The following CDH23 variants were observed in gnomAD, a reference collection of about 807,000 sequenced individuals.
The protein encoded by CDH23 is cadherin related 23.
Under a neutral mutation model 317.1 loss-of-function variants are expected in CDH23, and 189 were observed. The ratio of observed to expected loss-of-function variants is 0.60; its 90% CI spans 0.53 to 0.67. CDH23 has a LOEUF of 0.67. Ranked by LOEUF, CDH23 falls within the 30% of genes least tolerant of loss-of-function variation. The pLI, the probability that CDH23 is intolerant of heterozygous loss-of-function variation, is 0.00. For synonymous variants in CDH23, 1,839 were observed against 1,876.8 expected, an observed-to-expected ratio of 0.98 and a Z score of 0.52; for missense variants, 4,401 against 4,592.4, an observed-to-expected ratio of 0.96 and a Z score of 1.20.
intron 2 of CDH23, among the ~76,000 whole-genome samples, chr10:71,445,691 A>AC (rs1850123013): frequency 6.6e-6 from 1 of 152,084 alleles, no homozygotes; most frequent in African/African-American, 2.4e-5. Context: ...ATACAAAAAA[A>AC]ATAAAGTAAA....
chr10:71,434,431 G>A (rs936597660), intron 1 of CDH23, among the ~76,000 whole-genome samples: 4 of 152,170 alleles, frequency 2.6e-5, no homozygotes, highest in South Asian at 2.1e-4. Context: ...GCAGATGTGC[G>A]CAGTGTGGCC....
At chr10:71,788,055 G>GT (rs1456600204) in intron 44 of CDH23, among the ~76,000 whole-genome samples, 2 of 152,262 alleles carry the variant, frequency 1.3e-5, no homozygotes, top group South Asian at 2.1e-4. Context: ...AGTGTCTGTT[G>GT]TTTTTTTCTT....
intron 6 of CDH23, among the ~76,000 whole-genome samples, chr10:71,549,782 G>C (rs1424332427): frequency 1.3e-5 from 2 of 152,226 alleles, no homozygotes; most frequent in African/African-American, 4.8e-5. Context: ...CTGCCCCAGA[G>C]AAGCGAAAAC....
intron 9 of CDH23, among the ~76,000 whole-genome samples, chr10:71,602,846 G>C (rs1436963989): frequency 6.6e-6 from 1 of 152,112 alleles, no homozygotes; most frequent in African/African-American, 2.4e-5. Flanking sequence ...AGAGGGGAAG[G>C]TATTCTCACC....
intron 28 of CDH23, chr10:71,715,588 G>T: frequency 4.7e-6 from 1 of 214,942 alleles, no homozygotes; most frequent in Non-Finnish European, 9.2e-6. Context: ...TGGAGGGCAA[G>T]GCTTCTGTGG....
chr10:71,786,651 C>T (rs1841116544), intron 44 of CDH23, among the ~76,000 whole-genome samples: 1 of 152,060 alleles, frequency 6.6e-6, no homozygotes, highest in Non-Finnish European at 1.5e-5. Context: ...GCACACGCCA[C>T]CTTGCCCGGC....
chr10:71,531,221 C>G (rs1167666113), intron 6 of CDH23, among the ~76,000 whole-genome samples: 1 of 152,162 alleles, frequency 6.6e-6, no homozygotes, highest in African/African-American at 2.4e-5. Context: ...AACTGGCTTA[C>G]CAGGGTTTAT....
rs980898713 is a variant in CDH23 at position 71,489,594 on chromosome 10, G to T, written c.146-20488G>T. Among the ~76,000 whole-genome samples the T allele has an allele frequency of 3.6e-5, 5 of 139,802 alleles. 1 individual carries two copies. Among genetic ancestry groups the T allele is most frequent in the African/African-American group, 1.3e-4 (5 of 37,214 alleles). 91.7% of individuals were successfully genotyped at this position (139,802 alleles called of 152,430 possible). A position where few individuals can be genotyped will look rare whatever the true frequency, so the allele number is the denominator to read the frequency against. ...TAGGTTTTCATTCACAGTGCCTCGG[G>T]GTGTGTGTGTGTGTGTGTGTGTGTG... On this transcript the variant is annotated intron_variant, in intron 3 of 69. Transcript: ENST00000224721.
chr10:71,674,492 C>T (rs1864274861), intron 14 of CDH23, among the ~76,000 whole-genome samples: 1 of 152,206 alleles, frequency 6.6e-6, no homozygotes, highest in South Asian at 2.1e-4. Flanking sequence ...AGCAGTTTGC[C>T]CAGCTCTGGG....
intron 9 of CDH23, among the ~76,000 whole-genome samples, chr10:71,592,210 C>T (rs755381073): frequency 2.6e-5 from 4 of 152,160 alleles, no homozygotes; most frequent in Non-Finnish European, 5.9e-5. Context: ...CTGTGAGGCT[C>T]AGGGTTCCCA....
intron 3 of CDH23, among the ~76,000 whole-genome samples, chr10:71,471,237 A>G (rs1412064552): frequency 6.6e-6 from 1 of 152,240 alleles, no homozygotes; most frequent in East Asian, 1.9e-4. Flanking sequence ...TGCTCCCACC[A>G]CAACACTGAC....
intron 8 of CDH23, among the ~76,000 whole-genome samples, chr10:71,577,695 A>G (rs912643295): frequency 8.5e-5 from 13 of 152,134 alleles, no homozygotes; most frequent in African/African-American, 3.1e-4. Context: ...GAATGATAAC[A>G]TCGGTAAGGT....
At chr10:71,668,801 G>C (rs954009727) in intron 14 of CDH23, among the ~76,000 whole-genome samples, 5 of 152,118 alleles carry the variant, frequency 3.3e-5, no homozygotes, top group Admixed American at 3.3e-4. Context: ...CCCACCACAG[G>C]CTCCTCCAAT....
At chr10:71,561,735 G>A (rs1857141468) in intron 6 of CDH23, among the ~76,000 whole-genome samples, 2 of 152,164 alleles carry the variant, frequency 1.3e-5, no homozygotes, top group African/African-American at 4.8e-5. Context: ...TTTTGAAGGG[G>A]ATAATGCCTA....
intron 69 of CDH23, among the ~76,000 whole-genome samples, chr10:71,814,423 T>C (rs1842048774): frequency 6.6e-6 from 1 of 152,048 alleles, no homozygotes; most frequent in South Asian, 2.1e-4. Flanking sequence ...TCTAAATAAA[T>C]AAAGGGCAGG....
intron 6 of CDH23, among the ~76,000 whole-genome samples, chr10:71,518,175 G>A (rs925437240): frequency 2.0e-5 from 3 of 152,076 alleles, no homozygotes; most frequent in Non-Finnish European, 4.4e-5. Context: ...AGTTAGGGGG[G>A]AATTATTCTT....
In CDH23 at chr10:71,807,353, G is replaced by A. The variant is rs1187140238; in HGVS notation, c.8255G>A (p.Gly2752Asp). The A allele has an allele frequency of 6.2e-7, 1 of 1,613,908 alleles. No individual in the cohort carries two copies. The highest frequency in any genetic ancestry group is 8.5e-7 in the Non-Finnish European group (1 of 1,179,840). ...GGCACCCTCGTGGGCAACGTGACAG[G>A]CGCAGTGGATGCAGATGAGGGCCCC... ...PRGTLVGNVT[G>D]AVDADEGPNA... Residue 2752 changes from glycine to aspartate, a missense_variant, in exon 58 of 70, where the codon GGC becomes GAC. Gly to Asp is a moderately conservative substitution (Grantham distance 94). Around this residue, in one of 3 missense-constraint regions of CDH23, gnomAD observed 1,144 missense variants for 1,138.2 expected, o/e 1.01. Coordinates refer to ENST00000224721, the MANE Select transcript of CDH23 (RefSeq NM_022124.6).
intron 14 of CDH23, among the ~76,000 whole-genome samples, chr10:71,666,710 G>T (rs1032943241): frequency 6.6e-6 from 1 of 152,134 alleles, no homozygotes. Flanking sequence ...TGGGAGGGAA[G>T]GAAAAAGGGC....
At chr10:71,460,445 GA>G (rs1229138407) in intron 3 of CDH23, among the ~76,000 whole-genome samples, 1 of 152,262 alleles carries the variant, frequency 6.6e-6, no homozygotes, top group Non-Finnish European at 1.5e-5. Flanking sequence ...CACTTGCTAG[GA>G]TTGATTTGGC....
Sources: allele counts gnomAD v4.1 joint callset (sites outside exome capture counted in the v4.1 genomes callset), GRCh38; gene constraint gnomAD v4.1.1; regional missense constraint gnomAD v4.1.1; transcripts MANE v1.5; gene names NCBI Gene and HGNC (gene_info 2026-07-23, HGNC 2026-07-21).